Variants in DNAH5 observed in about 807,000 individuals in gnomAD.
The protein encoded by DNAH5 is axonemal beta dynein heavy chain 5.
In DNAH5, 372 loss-of-function variants were observed where a neutral mutation model predicts 518.2. The ratio of observed to expected loss-of-function variants is 0.72; its 90% CI spans 0.66 to 0.78. The LOEUF is 0.78. DNAH5 is among the 30% of genes least tolerant of loss of function. The pLI, the probability that DNAH5 is intolerant of heterozygous loss-of-function variation, is 0.00. For missense variants in DNAH5, 5,523 were observed against 5,687.0 expected (o/e 0.97, Z 0.93); for synonymous variants, 2,039 against 2,025.9 (o/e 1.01, Z -0.17).
chr5:13,965,128 G>A (rs1781444427), intron 1 of DNAH5, among the ~76,000 whole-genome samples: 2 of 152,052 alleles, frequency 1.3e-5, no homozygotes, highest in Non-Finnish European at 2.9e-5. Flanking sequence ...ACCCTAGAGG[G>A]TCAACATGTG....
At chr5:13,938,487 A>G (rs1261173959) in intron 1 of DNAH5, among the ~76,000 whole-genome samples, 3 of 151,742 alleles carry the variant, frequency 2.0e-5, no homozygotes, top group African/African-American at 4.8e-5. Context: ...TTAATCTTTT[A>G]CTGCACCTAA....
intron 43 of DNAH5, among the ~76,000 whole-genome samples, chr5:13,812,503 G>T (rs1167812425): frequency 1.3e-5 from 2 of 152,024 alleles, no homozygotes; most frequent in African/African-American, 4.8e-5. Flanking sequence ...ACAGGGTTTT[G>T]CCATATTGCC....
intron 1 of DNAH5, among the ~76,000 whole-genome samples, chr5:13,934,617 A>G (rs1304414683): frequency 1.3e-5 from 2 of 152,212 alleles, no homozygotes; most frequent in Non-Finnish European, 2.9e-5. Flanking sequence ...GAAAATTTAG[A>G]GTCAAGAAAG....
At chr5:13,855,812 C>T (rs1580606897) in intron 30 of DNAH5, among the ~76,000 whole-genome samples, 1 of 152,176 alleles carries the variant, frequency 6.6e-6, no homozygotes, top group Non-Finnish European at 1.5e-5. Flanking sequence ...GACCACAGTG[C>T]AATCAAATTA....
intron 31 of DNAH5, among the ~76,000 whole-genome samples, chr5:13,850,216 C>T (rs185341404): frequency 3.2e-4 from 49 of 152,162 alleles, no homozygotes; most frequent in Admixed American, 7.2e-4. Context: ...GAATTCACAA[C>T]GCTTCTGTAC....
At chr5:13,942,205 T>G (rs1779522377) in intron 1 of DNAH5, among the ~76,000 whole-genome samples, 1 of 150,828 alleles carries the variant, frequency 6.6e-6, no homozygotes, top group African/African-American at 2.5e-5. Flanking sequence ...CTTGACTTTG[T>G]TTATGGTACA....
chr5:13,914,667 T>A (rs1303724530), intron 9 of DNAH5, 25 bp from the exon 10 acceptor site: 1 of 1,610,050 alleles, frequency 6.2e-7, no homozygotes, highest in African/African-American at 1.3e-5. Flanking sequence ...TAAAATGATG[T>A]TAAGCACATA....
chr5:13,724,237 G>C (rs1745427417), intron 70 of DNAH5, among the ~76,000 whole-genome samples: 1 of 152,204 alleles, frequency 6.6e-6, no homozygotes, highest in Non-Finnish European at 1.5e-5. Context: ...AGTGTGCCTT[G>C]GATGCAGGAC....
chr5:13,776,715 G>C lies in DNAH5; in HGVS notation c.9106-9C>G. 6.2e-7 allele frequency: 1 copy of C among 1,613,324 alleles called. No individual in the cohort carries two copies. Among genetic ancestry groups the C allele is most frequent in the Non-Finnish European group, 8.5e-7 (1 of 1,179,652 alleles). On this transcript the variant is annotated splice_polypyrimidine_tract_variant and intron_variant, in intron 54 of 78. Coordinates refer to ENST00000265104, the MANE Select transcript of DNAH5 (RefSeq NM_001369.3). ...GCAAATAGGTTAGAGACCTTAAAAA[G>C]AAGTACAGGCATGCAAATTCAGTAC...
chr5:13,969,835 G>A (rs572217877), intron 1 of DNAH5, among the ~76,000 whole-genome samples: 31 of 152,228 alleles, frequency 2.0e-4, no homozygotes, highest in South Asian at 1.2e-3. Flanking sequence ...TTGTTCTAGG[G>A]TATAGTTTAA....
intron 1 of DNAH5, among the ~76,000 whole-genome samples, chr5:14,003,889 G>A (rs1166280248): frequency 2.6e-5 from 4 of 152,200 alleles, no homozygotes; most frequent in Non-Finnish European, 5.9e-5. Context: ...TACACAAAGA[G>A]AGAGAGGTGC....
chr5:13,810,346 G>T, intron 44 of DNAH5, 86 bp from the exon 45 acceptor site: 1 of 1,153,310 alleles, frequency 8.7e-7, no homozygotes, highest in Non-Finnish European at 1.3e-6. Flanking sequence ...AGTAAACATA[G>T]AAACAAGACA....
chr5:13,983,420 G>A lies in DNAH5; in HGVS notation c.12+28228C>T, dbSNP rs116182066. Among the ~76,000 whole-genome samples, 1,365 of 152,310 alleles carry A rather than the reference G, an allele frequency of 9.0e-3. 24 individuals carry two copies. Among genetic ancestry groups the A allele is most frequent in the African/African-American group, 0.031 (1,284 of 41,566 alleles). On this transcript the variant is annotated intron_variant, in intron 1 of 78. Transcript: ENST00000681290. ...CAAGGACTCCAAAGAACCTTTGTGT[G>A]GGGAGGTTATAGCTATTGATATTTA...
chr5:13,876,133 G>A (rs1041982253), intron 22 of DNAH5, among the ~76,000 whole-genome samples: 7 of 152,180 alleles, frequency 4.6e-5, no homozygotes, highest in African/African-American at 1.7e-4. Flanking sequence ...AGGGGAAGTT[G>A]AGAGGGGAGT....
At chr5:13,941,787 T>TACAGCACAAAACAGGAACAACACAC (rs1241648562) in intron 1 of DNAH5, among the ~76,000 whole-genome samples, 1 of 152,184 alleles carries the variant, frequency 6.6e-6, no homozygotes, top group Non-Finnish European at 1.5e-5. Flanking sequence ...CAGAAACACA[T>TACAGCACAAAACAGGAACAACACAC]ACAGCACAAA....
intron 16 of DNAH5, 126 bp downstream of exon 16, chr5:13,894,524 A>C (rs1014381915): frequency 9.6e-7 from 1 of 1,043,560 alleles, no homozygotes; most frequent in Admixed American, 2.1e-5. Context: ...CTTCCTTATG[A>C]AACAGCTTAA....
chr5:13,885,865 T>C (rs1772350078), intron 18 of DNAH5, 99 bp downstream of exon 18: 1 of 1,125,190 alleles, frequency 8.9e-7, no homozygotes, highest in African/African-American at 1.6e-5. Context: ...GAGAGGATGT[T>C]TATAGAAGTA....
chr5:13,751,052 A>C (rs747642484), intron 65 of DNAH5, 26 bp downstream of exon 65: 1 of 1,612,296 alleles, frequency 6.2e-7, no homozygotes, highest in South Asian at 1.1e-5. Context: ...GCAATGCAGA[A>C]TGGGAGGGAG....
At chr5:13,951,270 G>A (rs1229584071) in intron 1 of DNAH5, among the ~76,000 whole-genome samples, 3 of 126,608 alleles carry the variant, frequency 2.4e-5, no homozygotes, top group Non-Finnish European at 4.7e-5. Context: ...AGGCTGAAGT[G>A]CAGTGATGCA....
Sources: allele counts gnomAD v4.1 joint callset (sites outside exome capture counted in the v4.1 genomes callset), GRCh38; gene constraint gnomAD v4.1.1; transcripts MANE v1.5; gene names NCBI Gene and HGNC (gene_info 2026-07-23, HGNC 2026-07-21).